NEK5: variants seen among roughly 807,000 people sequenced by gnomAD.
The protein encoded by NEK5 is NIMA related kinase 5.
In NEK5, 88 loss-of-function variants were observed where a neutral mutation model predicts 109.2. The ratio of observed to expected loss-of-function variants is 0.81; its 90% confidence interval spans 0.68 to 0.96. NEK5 has a LOEUF of 0.96. NEK5 is among the 40% of genes least tolerant of loss of function. NEK5 has a pLI of 0.00. For missense variants in NEK5, 834 were observed against 920.7 expected (o/e 0.91, Z 1.22); for synonymous variants, 283 against 299.9 (o/e 0.94, Z 0.58).
intron 3 of NEK5, among the ~76,000 whole-genome samples, chr13:52,120,003 T>G (rs1044936872): frequency 2.0e-5 from 3 of 152,148 alleles, no homozygotes; most frequent in Non-Finnish European, 4.4e-5. Context: ...CACACCTCAT[T>G]TCTACTTTTT....
chr13:52,118,727 G>A (rs771855765), intron 4 of NEK5, among the ~76,000 whole-genome samples: 41 of 152,206 alleles, frequency 2.7e-4, no homozygotes, highest in Non-Finnish European at 4.7e-4. Flanking sequence ...GCTATGGTGC[G>A]TGGCTGTTTG....
At chr13:52,117,575 T>C (rs935164830) in intron 4 of NEK5, among the ~76,000 whole-genome samples, 1 of 152,202 alleles carries the variant, frequency 6.6e-6, no homozygotes. Flanking sequence ...CAATCTCACA[T>C]GGTATAAGGA....
At chr13:52,084,324 C>T (rs116924021) in intron 16 of NEK5, among the ~76,000 whole-genome samples, 2,883 of 152,118 alleles carry the variant, frequency 0.019, 45 homozygotes, top group Non-Finnish European at 0.029. Context: ...TCAACCTCAG[C>T]CTCCCAACTC....
chr13:52,119,966 A>T (rs960181132), intron 3 of NEK5, among the ~76,000 whole-genome samples: 10 of 152,126 alleles, frequency 6.6e-5, no homozygotes, highest in Non-Finnish European at 1.2e-4. Context: ...AATACTTGCC[A>T]AGGGGTTTGG....
intron 12 of NEK5, among the ~76,000 whole-genome samples, chr13:52,097,829 T>G (rs1481865436): frequency 6.6e-6 from 1 of 152,108 alleles, no homozygotes; most frequent in Non-Finnish European, 1.5e-5. Flanking sequence ...ATGATATGGT[T>G]TGGATTTGTG....
Position 52,061,909 on chromosome 13 carries a change from GTT to G in NEK5, c.2018_2019del (p.Lys673ThrfsTer5). 1 of 963,680 alleles carries G rather than the reference GTT, an allele frequency of 1.0e-6. No homozygotes were observed. Among genetic ancestry groups the G allele is most frequent in the Non-Finnish European group, 1.2e-6 (1 of 809,782 alleles). The allele number at this position is 963,680 out of a possible 1,614,324, so 59.7% of individuals were successfully genotyped here. On this transcript the variant is annotated frameshift_variant, in exon 22 of 24. Transcript: ENST00000684899. LOFTEE classifies it high-confidence loss of function. ...GTTCCTGGAGCTTCATGCCGCCACT[GTT>G]TCCTGTTTCCTGGAATGCCTTCAAT... ...IVIEGIPGNR[K>X]QWRHEAPGTL...
chr13:52,108,193 C>A (rs1007318695), intron 8 of NEK5, 125 bp downstream of exon 8: 1 of 632,134 alleles, frequency 1.6e-6, no homozygotes, highest in Admixed American at 2.9e-5. Context: ...ACACATGAAG[C>A]AAATGAAATT....
At chr13:52,086,030 A>C (rs1484418650) in intron 16 of NEK5, among the ~76,000 whole-genome samples, 3 of 152,208 alleles carry the variant, frequency 2.0e-5, no homozygotes, top group Non-Finnish European at 4.4e-5. Context: ...ATCAATAAGT[A>C]CTTTTAATAA....
intron 23 of NEK5, among the ~76,000 whole-genome samples, chr13:52,048,203 T>A (rs1210559589): frequency 1.3e-5 from 2 of 152,210 alleles, no homozygotes; most frequent in Middle Eastern, 3.2e-3. Flanking sequence ...TACCTTGAAC[T>A]GACTGCTATA....
intron 8 of NEK5, among the ~76,000 whole-genome samples, chr13:52,106,782 T>C (rs1252675064): frequency 1.3e-5 from 2 of 151,672 alleles, no homozygotes; most frequent in Non-Finnish European, 2.9e-5. Flanking sequence ...AAAAAAAAAT[T>C]ATTGCTGAGA....
Position 52,086,343 on chromosome 13 carries a change from C to T in NEK5, c.1413G>A (p.Glu471=). 1 of 1,611,680 alleles carries T rather than the reference C, an allele frequency of 6.2e-7. No individual in the cohort carries two copies. Among genetic ancestry groups the T allele is most frequent in the South Asian group, 1.1e-5 (1 of 91,030 alleles). ...MKEQEYWKQL[E]EIRQQYHNDM... The stretch of plus-strand genomic sequence containing the variant: ...CATTGTGGTACTGTTGGCGTATTTC[C>T]TCTAACTGCTTCCAATATTCCTGGA... Residue 471 remains glutamate, a synonymous_variant, in exon 16 of 24, where the codon GAG becomes GAA. Transcript: ENST00000684899.
intron 4 of NEK5, among the ~76,000 whole-genome samples, chr13:52,117,982 T>C (rs1238519043): frequency 6.6e-6 from 1 of 152,176 alleles, no homozygotes; most frequent in Non-Finnish European, 1.5e-5. Flanking sequence ...TTGAAAGTTA[T>C]TCCATGCAAC....
At chr13:52,091,666 G>A (rs1955286920) in intron 13 of NEK5, among the ~76,000 whole-genome samples, 1 of 152,046 alleles carries the variant, frequency 6.6e-6, no homozygotes, top group Admixed American at 6.6e-5. Flanking sequence ...AAAAAAAATT[G>A]ATGACAAAAC....
chr13:52,114,502 A>G (rs1267185956), intron 4 of NEK5, among the ~76,000 whole-genome samples: 1 of 152,198 alleles, frequency 6.6e-6, no homozygotes, highest in African/African-American at 2.4e-5. Flanking sequence ...TCTCTTCTTT[A>G]AGAGACGATC....
At chr13:52,128,337 A>G (rs1956108930) in intron 1 of NEK5, among the ~76,000 whole-genome samples, 1 of 151,902 alleles carries the variant, frequency 6.6e-6, no homozygotes, top group Admixed American at 6.6e-5. Context: ...AGACCCAACA[A>G]TCTGCATTTG....
In NEK5 at chr13:52,037,003, C is replaced by T. The variant is rs552743715; in HGVS notation, c.2444G>A (p.Cys815Tyr). Reference sequence around the variant, plus strand: ...TGTTCCTTGGTCTTCATCAGTAATACAAATGTGGTCATTAGATGTAGTAGA... The same window carrying T: ...TGTTCCTTGGTCTTCATCAGTAATATAAATGTGGTCATTAGATGTAGTAGA... ...NISTTSNDHICITDEDQGTST... is the reference protein window; with the variant it reads ...NISTTSNDHIYITDEDQGTST... Residue 815 changes from cysteine to tyrosine, a missense_variant, in exon 24 of 24, where the codon TGT (cysteine) becomes TAT (tyrosine). Cys to Tyr is a radical substitution (Grantham distance 194). Transcript: ENST00000684899. The T allele has an allele frequency of 1.5e-5, 15 of 985,182 alleles. No individual in the cohort carries two copies. The South Asian group carries it at 5.6e-4, about 37-fold the overall frequency. The allele number at this position is 985,182 out of a possible 1,614,324, so 61.0% of individuals were successfully genotyped here.
intron 12 of NEK5, among the ~76,000 whole-genome samples, chr13:52,096,961 G>C (rs1047095263): frequency 6.6e-6 from 1 of 152,148 alleles, no homozygotes; most frequent in Non-Finnish European, 1.5e-5. Context: ...CTCAGGACAT[G>C]GTGTCCTGTA....
intron 22 of NEK5, 77 bp from the exon 23 acceptor site, chr13:52,050,298 T>C (rs2140909613): frequency 1.1e-5 from 3 of 284,470 alleles, no homozygotes; most frequent in Non-Finnish European, 1.6e-5. Flanking sequence ...AAAAACCTGA[T>C]AGTGAACATC....
chr13:52,076,229 AC>A lies in NEK5; in HGVS notation c.1573-87del, dbSNP rs368610116. 38 of 740,730 alleles carry A rather than the reference AC, an allele frequency of 5.1e-5. 2 individuals are homozygous for A. The highest frequency in any genetic ancestry group is 4.3e-4 in the African/African-American group (24 of 55,418). The allele number at this position is 740,730 out of a possible 1,614,324, so 45.9% of individuals were successfully genotyped here. Reference sequence around the variant, plus strand: ...GTTAAATCTGATGATTGATTTAATAACAAAAACAAGCTTTTATAATGGAAAG... The same window carrying A: ...GTTAAATCTGATGATTGATTTAATAAAAAAACAAGCTTTTATAATGGAAAG... On this transcript the variant is annotated intron_variant, in intron 17 of 23. Coordinates refer to ENST00000684899, the MANE Select transcript of NEK5 (RefSeq NM_001365552.1).
Sources: allele counts gnomAD v4.1 joint callset (sites outside exome capture counted in the v4.1 genomes callset), GRCh38; gene constraint gnomAD v4.1.1; transcripts MANE v1.5; gene names NCBI Gene and HGNC (gene_info 2026-07-23, HGNC 2026-07-21).